The following USP6NL variants were observed in gnomAD, a reference collection of about 807,000 sequenced individuals.
The protein encoded by USP6NL is USP6 N-terminal-like protein.
A neutral mutation model predicts 61.9 loss-of-function variants in USP6NL; 26 were observed. The ratio of observed to expected loss-of-function variants is 0.42; its 90% CI spans 0.31 to 0.58. USP6NL has a LOEUF of 0.58. USP6NL is among the 20% of genes least tolerant of loss of function. The pLI is 0.16. For synonymous variants in USP6NL, 432 were observed against 390.1 expected, an observed-to-expected ratio of 1.11 and a Z score of -1.27; for missense variants, 1,114 against 1,034.3, an observed-to-expected ratio of 1.08 and a Z score of -1.06.
At chr10:11,504,315 T>C (rs561663419) in intron 6 of USP6NL, among the ~76,000 whole-genome samples, 1 of 150,582 alleles carries the variant, frequency 6.6e-6, no homozygotes, top group Admixed American at 6.6e-5. Flanking sequence ...ACAGTTTGGA[T>C]GAAATTTGCT....
rs1835707603 is a variant in USP6NL, at chr10:11,532,732, T to C, written c.5-5165A>G. ...GAAATGCTCCTCTCCTCAAATACAT[T>C]TTATATCTTAATGTAATTTTTAATA... On this transcript the variant is annotated intron_variant, in intron 2 of 14. Transcript: ENST00000609104. The surrounding 1 kb of genome is among the most constrained non-coding windows in gnomAD (Gnocchi z 4.1). Among the ~76,000 whole-genome samples the C allele has an allele frequency of 6.6e-6, 1 of 152,178 alleles. No individual in the cohort carries two copies. Among genetic ancestry groups the C allele is most frequent in the African/African-American group, 2.4e-5 (1 of 41,452 alleles).
At chr10:11,541,095 A>G (rs147520972) in intron 2 of USP6NL, among the ~76,000 whole-genome samples, 2,110 of 151,796 alleles carry the variant, frequency 0.014, 25 homozygotes, top group Non-Finnish European at 0.024. Flanking sequence ...GAACTGCGTT[A>G]TATGTATCTC....
At position 11,490,072 on chromosome 10, in the gene USP6NL, G is replaced by A. The variant is rs889875613; in HGVS notation, c.543+760C>T. ...CTCACCAGACGCTTCCCACCTTCCAGCTCCAATTCCGGTGAGGCCCAACTA... is the reference window on the plus strand; with the variant it reads ...CTCACCAGACGCTTCCCACCTTCCAACTCCAATTCCGGTGAGGCCCAACTA... On this transcript the variant is annotated intron_variant, in intron 9 of 14. Transcript: ENST00000609104. The surrounding 1 kb of genome is among the most constrained non-coding windows in gnomAD (Gnocchi z 4.5). 2.0e-5 allele frequency among the ~76,000 whole-genome samples: 3 copies of A among 152,160 alleles called. No homozygotes were observed. Among genetic ancestry groups the A allele is most frequent in the African/African-American group, 7.2e-5 (3 of 41,428 alleles).
rs577494118 is a variant in USP6NL, at chr10:11,465,633, G to A, written c.1079-1784C>T. On this transcript the variant is annotated intron_variant, in intron 14 of 14. Transcript: ENST00000609104. The surrounding 1 kb of genome is among the most constrained non-coding windows in gnomAD (Gnocchi z 4.5). ...GCTGCTACTGCTGCTGTGCCTGTAC[G>A]TGCTCTCCCCACACCGTGCTGGCAG... Among the ~76,000 whole-genome samples the A allele has an allele frequency of 1.3e-5, 2 of 152,136 alleles. No individual in the cohort carries two copies. Among genetic ancestry groups the A allele is most frequent in the Non-Finnish European group, 2.9e-5 (2 of 68,028 alleles).
At chr10:11,494,749 G>GAGAC (rs1173201956) in intron 7 of USP6NL, among the ~76,000 whole-genome samples, 1 of 152,038 alleles carries the variant, frequency 6.6e-6, no homozygotes, top group Non-Finnish European at 1.5e-5. Flanking sequence ...GGGAGACAGA[G>GAGAC]AGACAGCTTA....
At chr10:11,579,960 T>TGCGGGGGGG (rs1555173666) in intron 2 of USP6NL, among the ~76,000 whole-genome samples, 1 of 98,086 alleles carries the variant, frequency 1.0e-5, no homozygotes, top group African/African-American at 3.8e-5. Context: ...CAGTGGAGAG[T>TGCGGGGGGG]GGCGGGGGGG....
chr10:11,541,092 G>T (rs768450901), intron 2 of USP6NL, among the ~76,000 whole-genome samples: 1 of 151,498 alleles, frequency 6.6e-6, no homozygotes, highest in South Asian at 2.1e-4. Flanking sequence ...CCTGAACTGC[G>T]TTATATGTAT....
intron 7 of USP6NL, among the ~76,000 whole-genome samples, chr10:11,500,467 T>C (rs1834133942): frequency 6.6e-6 from 1 of 152,176 alleles, no homozygotes; most frequent in South Asian, 2.1e-4. Context: ...GTAAATCTCT[T>C]ACTCCTTTCA....
In USP6NL at chr10:11,597,160, A is replaced by T. The variant is rs1490063439; in HGVS notation, c.4+471T>A. Among the ~76,000 whole-genome samples, 1 of 152,242 alleles carries T rather than the reference A, an allele frequency of 6.6e-6. No individual in the cohort carries two copies. Among genetic ancestry groups the T allele is most frequent in the Non-Finnish European group, 1.5e-5 (1 of 68,034 alleles). On this transcript the variant is annotated intron_variant, in intron 2 of 14. Transcript: ENST00000609104. This position sits in a 1 kb window ranked among gnomAD's most constrained non-coding sequence, Gnocchi z 4.6. ...TACAACTAAGAAGATAAAATTATCAAATGTGGTTAAGCCCAGGATAGCCTT... is the reference window on the plus strand; with the variant it reads ...TACAACTAAGAAGATAAAATTATCATATGTGGTTAAGCCCAGGATAGCCTT...
Position 11,462,316 on chromosome 10 carries a change from A to G in USP6NL, c.*125T>C. 1 of 1,149,806 alleles carries G rather than the reference A, an allele frequency of 8.7e-7. No individual in the cohort carries two copies. The highest frequency in any genetic ancestry group is 1.2e-6 in the Non-Finnish European group (1 of 835,432). 71.2% of individuals were successfully genotyped at this position (1,149,806 alleles called of 1,614,324 possible). A position where few individuals can be genotyped will look rare whatever the true frequency, so the allele number is the denominator to read the frequency against. Reference sequence around the variant, plus strand: ...GAAGACATTTCCCTGTATTCTTACTACTAACAGACAGGAGAGATGTGCGAG... The same window carrying G: ...GAAGACATTTCCCTGTATTCTTACTGCTAACAGACAGGAGAGATGTGCGAG... On this transcript the variant is annotated 3_prime_UTR_variant, in exon 15 of 15. Transcript: ENST00000609104.
chr10:11,547,214 A>C (rs1335536119), intron 2 of USP6NL, among the ~76,000 whole-genome samples: 3 of 152,246 alleles, frequency 2.0e-5, no homozygotes, highest in Non-Finnish European at 4.4e-5. Context: ...ACAGGGGCTC[A>C]ATGTCCACTA....
chr10:11,577,060 CTTTT>C (rs200482211), intron 2 of USP6NL, among the ~76,000 whole-genome samples: 1 of 133,100 alleles, frequency 7.5e-6, no homozygotes. Flanking sequence ...CTTTAGAATT[CTTTT>C]TTTTTTTTTT....
intron 2 of USP6NL, among the ~76,000 whole-genome samples, chr10:11,580,867 TGATGGATGGATGGATGGATGGATG>T (rs112761648): frequency 2.7e-5 from 4 of 149,744 alleles, no homozygotes; most frequent in Admixed American, 2.7e-4. Flanking sequence ...AACGGATAGA[TGATGGATGGATGGATGGATGGATG>T]GATGGATGGA....
intron 2 of USP6NL, among the ~76,000 whole-genome samples, chr10:11,533,448 G>C (rs959337812): frequency 2.6e-5 from 4 of 152,204 alleles, no homozygotes; most frequent in African/African-American, 9.7e-5. Flanking sequence ...ATGTAATTCA[G>C]CTAAGGATCT....
intron 2 of USP6NL, 109 bp from the exon 3 acceptor site, chr10:11,527,676 G>T (rs968873994): frequency 1.0e-6 from 1 of 957,558 alleles, no homozygotes. Context: ...TGCCTAAAAT[G>T]ACAAATCAAC....
At position 11,537,065 on chromosome 10, in the gene USP6NL, CA is replaced by C. The variant is rs905491176; in HGVS notation, c.5-9499del. On this transcript the variant is annotated intron_variant, in intron 2 of 14. Transcript: ENST00000609104. This position sits in a 1 kb window ranked among gnomAD's most constrained non-coding sequence, Gnocchi z 5.1. ...CCAGATTTTCTCTTCAGAAGAGCCACACAAGTTCCATACATATCTTCATATT... is the reference window on the plus strand; with the variant it reads ...CCAGATTTTCTCTTCAGAAGAGCCACCAAGTTCCATACATATCTTCATATT... 6.6e-6 allele frequency among the ~76,000 whole-genome samples: 1 copy of C among 152,174 alleles called. No individual in the cohort carries two copies. The highest frequency in any genetic ancestry group is 2.4e-5 in the African/African-American group (1 of 41,442).
rs1325429387 is a variant in USP6NL, at chr10:11,518,413, T to G, written c.195+122A>C. 2.3e-6 allele frequency: 2 copies of G among 861,868 alleles called. No individual in the cohort carries two copies. Among genetic ancestry groups the G allele is most frequent in the Non-Finnish European group, 3.8e-6 (2 of 522,416 alleles). The allele number at this position is 861,868 out of a possible 1,614,324, so 53.4% of individuals were successfully genotyped here. ...TACAGTGGCATAATGAGGTCCAAAA[T>G]CTAACAATGACTGTACCATTCCCAT... On this transcript the variant is annotated intron_variant, in intron 5 of 14. Coordinates refer to ENST00000609104, the MANE Select transcript of USP6NL (RefSeq NM_014688.5). The surrounding 1 kb of genome is among the most constrained non-coding windows in gnomAD (Gnocchi z 5.3).
intron 2 of USP6NL, among the ~76,000 whole-genome samples, chr10:11,560,714 T>TTATATATATATATATATATATATAATA: frequency 7.1e-6 from 1 of 141,310 alleles, no homozygotes; most frequent in South Asian, 2.2e-4. Flanking sequence ...TATATATATA[T>TTATATATATATATATATATATATAATA]TATATATATA....
At position 11,463,094 on chromosome 10, in the gene USP6NL, G is replaced by A. The variant is rs756529031; in HGVS notation, c.1834C>T (p.His612Tyr). 3 of 1,614,044 alleles carry A rather than the reference G, an allele frequency of 1.9e-6. No individual in the cohort carries two copies. The Admixed American group carries it at 5.0e-5, about 27-fold the overall frequency. Residue 612 changes from histidine to tyrosine, a missense_variant, in exon 15 of 15, where the codon CAT becomes TAT. Coordinates refer to ENST00000609104, the MANE Select transcript of USP6NL (RefSeq NM_014688.5). The surrounding 1 kb of genome is among the most constrained non-coding windows in gnomAD (Gnocchi z 6.3). ...KFTFKVQPPS[H>Y]ARYPSQLDGE... ...TCTAGCTGGGACGGATATCGTGCAT[G>A]ACTTGGAGGCTGTACTTTAAAAGTA...
Sources: gnomAD v4.1 joint callset for allele counts (sites outside exome capture counted in the v4.1 genomes callset) on GRCh38, gnomAD v4.1.1 for gene constraint, Gnocchi (gnomAD v3.1) non-coding constraint, MANE v1.5 for transcripts, NCBI Gene and HGNC (gene_info 2026-07-23, HGNC 2026-07-21) for gene names.